CEP350: variants seen among roughly 807,000 people sequenced by gnomAD.
CEP350 encodes the protein centrosomal protein 350.
A neutral mutation model predicts 331.8 loss-of-function variants in CEP350; 126 were observed. The observed-to-expected ratio is 0.38, with a 90% confidence interval of 0.33 to 0.44. The LOEUF (loss-of-function observed/expected upper bound fraction) is 0.44, where lower values mean the gene tolerates loss of function less well. Ranked by LOEUF, CEP350 falls within the 20% of genes least tolerant of loss-of-function variation. The pLI is 1.00. For synonymous variants in CEP350, 1,200 were observed against 1,259.5 expected (o/e 0.95, Z 1.00); for missense variants, 3,406 against 3,634.6 (o/e 0.94, Z 1.62).
At chr1:179,970,707 CTA>C (rs1428685936) in intron 1 of CEP350, among the ~76,000 whole-genome samples, 5 of 152,162 alleles carry the variant, frequency 3.3e-5, no homozygotes, top group East Asian at 1.9e-4. Context: ...CAAAATGAAA[CTA>C]TGTGATTGGA....
At chr1:180,092,046 C>A (rs369152793) in intron 33 of CEP350, among the ~76,000 whole-genome samples, 41 of 148,648 alleles carry the variant, frequency 2.8e-4, no homozygotes, top group Non-Finnish European at 2.8e-4. Flanking sequence ...CTTGCTCTTA[C>A]AAAAAAAAAA....
In CEP350 at chr1:180,037,095, T is replaced by G. The variant is rs1428977817; in HGVS notation, c.4110+6T>G. 6.4e-7 allele frequency: 1 copy of G among 1,553,764 alleles called. No homozygotes were observed. Among genetic ancestry groups the G allele is most frequent in the Non-Finnish European group, 8.7e-7 (1 of 1,155,970 alleles). ...CTCTAGCTCAGATAATAAAGGTATTTTTGGAGTTTTTTAGCTTTCTGTGGT... is the reference window on the plus strand; with the variant it reads ...CTCTAGCTCAGATAATAAAGGTATTGTTGGAGTTTTTTAGCTTTCTGTGGT... On this transcript the variant is annotated splice_donor_region_variant and intron_variant, in intron 17 of 37. Coordinates refer to ENST00000367607, the MANE Select transcript of CEP350 (RefSeq NM_014810.5).
rs146543478 is a variant in CEP350 at position 180,053,059 on chromosome 1, C to T, written c.4882C>T (p.Leu1628=). 53 of 1,563,742 alleles carry T rather than the reference C, an allele frequency of 3.4e-5. No homozygotes were observed. The African/African-American group carries it at 5.8e-4, about 17-fold the overall frequency. ...AGAAGAACAATCATTTCGATCATTA[C>T]TACCTTCAGAGAGTCACCGCAGATT... ...EIEEQSFRSL[L]PSESHRRFNM... is the part of the protein sequence containing the mutation. Residue 1628 remains leucine (L), a synonymous_variant, in exon 23 of 38, where the codon CTA becomes TTA. Coordinates refer to ENST00000367607, the MANE Select transcript of CEP350 (RefSeq NM_014810.5).
At chr1:179,994,399 A>G (rs868267579) in intron 5 of CEP350, among the ~76,000 whole-genome samples, 1 of 151,880 alleles carries the variant, frequency 6.6e-6, no homozygotes, top group South Asian at 2.1e-4. Context: ...GATGGTAGCT[A>G]CAGGACTCAT....
intron 7 of CEP350, among the ~76,000 whole-genome samples, chr1:180,004,864 A>T (rs970336255): frequency 5.6e-5 from 8 of 143,616 alleles, no homozygotes; most frequent in African/African-American, 8.1e-5. Flanking sequence ...TTGGGCAGGC[A>T]GGCTGGCTGG....
In CEP350 at chr1:180,093,898, C is replaced by A. The variant is rs771609201; in HGVS notation, c.7793C>A (p.Thr2598Lys). The A allele has an allele frequency of 1.5e-5, 24 of 1,613,664 alleles. No homozygotes were observed. The highest frequency in any genetic ancestry group is 1.9e-5 in the Non-Finnish European group (22 of 1,179,846). ...YQCYNQEQND[T>K]EGPKDREKDV... Reference sequence around the variant, plus strand: ...TGCTATAATCAAGAGCAAAATGATACAGAGGGTCCAAAAGACAGAGAAAAG... The same window carrying A: ...TGCTATAATCAAGAGCAAAATGATAAAGAGGGTCCAAAAGACAGAGAAAAG... The change falls in exon 34 of 38, where the codon ACA becomes AAA. Residue 2598 changes from threonine (T) to lysine (K), a missense_variant. By Grantham distance (78) the Thr-to-Lys change is moderately conservative (BLOSUM62 -1). This residue lies in a region of CEP350 where 1,415 missense variants were observed against 1,512.3 expected (regional missense o/e 0.94). Coordinates refer to ENST00000367607, the MANE Select transcript of CEP350 (RefSeq NM_014810.5).
intron 9 of CEP350, among the ~76,000 whole-genome samples, chr1:180,012,758 G>C (rs1311779292): frequency 6.6e-6 from 1 of 152,170 alleles, no homozygotes; most frequent in Admixed American, 6.5e-5. Context: ...TTGGCATATA[G>C]AAGTCAATGT....
Position 180,006,456 on chromosome 1 carries a change from G to A in CEP350, c.1135G>A (p.Asp379Asn), listed in dbSNP as rs371197182. 4.1e-5 allele frequency: 58 copies of A among 1,400,814 alleles called. No individual in the cohort carries two copies. Among genetic ancestry groups the A allele is most frequent in the Middle Eastern group, 1.8e-4 (1 of 5,710 alleles). The allele number at this position is 1,400,814 out of a possible 1,614,324, so 86.8% of individuals were successfully genotyped here. Residue 379 changes from aspartate to asparagine, a missense_variant and splice_region_variant, in exon 8 of 38, where the codon GAT becomes AAT. Transcript: ENST00000367607. ...CTGTAAATATTTCTGCTTTTCAGAT[G>A]ATATTTCTATAAAGGAGAAACCTGC... is the stretch of plus-strand genomic sequence containing the variant. Reference protein sequence around the residue: ...YRDLALHFADDISIKEKPAEK... With the variant: ...YRDLALHFADNISIKEKPAEK...
At position 180,019,981 on chromosome 1, in the gene CEP350, C is replaced by T. The variant is rs1655216928; in HGVS notation, c.2207C>T (p.Pro736Leu). The part of the protein sequence containing the change: ...KDLMESTWMQ[P>L]ERLSPQVHHS... ...TTGATGGAATCTACATGGATGCAGC[C>T]TGAAAGATTGAGCCCACAAGTTCAC... Residue 736 changes from proline (P) to leucine (L), a missense_variant, in exon 12 of 38, where the codon CCT (proline) becomes CTT (leucine). Physicochemically the swap from Pro to Leu is moderately conservative, Grantham distance 98. This residue lies in a region of CEP350 where 1,857 missense variants were observed against 1,909.2 expected (regional missense o/e 0.97). Transcript: ENST00000367607. The T allele has an allele frequency of 6.2e-7, 1 of 1,611,362 alleles. No homozygotes were observed. The highest frequency in any genetic ancestry group is 8.5e-7 in the Non-Finnish European group (1 of 1,178,746).
chr1:180,004,898 GCTTGCTTGCTTTCTTT>G (rs1274669440), intron 7 of CEP350, among the ~76,000 whole-genome samples: 6 of 121,474 alleles, frequency 4.9e-5, no homozygotes, highest in African/African-American at 1.8e-4. Flanking sequence ...TTGCTTGCTT[GCTTGCTTGCTTTCTTT>G]CTTTCTTTCT....
At position 180,093,469 on chromosome 1, in the gene CEP350, T is replaced by C. The variant is rs1315736848; in HGVS notation, c.7364T>C (p.Leu2455Pro). The change falls in exon 34 of 38, where the codon CTG (leucine) becomes CCG (proline). Residue 2455 changes from leucine to proline, a missense_variant. Leu to Pro is a moderately conservative substitution (Grantham distance 98). This residue lies in a region of CEP350 where 1,415 missense variants were observed against 1,512.3 expected (regional missense o/e 0.94). Transcript: ENST00000367607. ...CATAGCAATGTTCATTCTGACAGGC[T>C]GTTGGAACTCAAGTCCCCTACTGAG... ...SIHSNVHSDR[L>P]LELKSPTELM... The C allele has an allele frequency of 6.2e-7, 1 of 1,609,072 alleles. No homozygotes were observed. The highest frequency in any genetic ancestry group is 1.1e-5 in the South Asian group (1 of 90,296).
At chr1:179,955,862 C>T (rs1650135026) in intron 1 of CEP350, among the ~76,000 whole-genome samples, 1 of 152,182 alleles carries the variant, frequency 6.6e-6, no homozygotes, top group African/African-American at 2.4e-5. Context: ...AAATAGTGAT[C>T]AATATCCATG....
At position 180,087,724 on chromosome 1, in the gene CEP350, A is replaced by T. The variant is rs1240217175; in HGVS notation, c.6425+7A>T. ...CCCTCACACCACTACACAGGTAGAA[A>T]TTTTTGATAACTTGTCTGTATTCTG... On this transcript the variant is annotated splice_region_variant and intron_variant, in intron 32 of 37. Transcript: ENST00000367607. 3 of 1,497,004 alleles carry T rather than the reference A, an allele frequency of 2.0e-6. No individual in the cohort carries two copies. Among genetic ancestry groups the T allele is most frequent in the Non-Finnish European group, 2.7e-6 (3 of 1,122,878 alleles). 92.7% of individuals were successfully genotyped at this position (1,497,004 alleles called of 1,614,324 possible).
chr1:179,959,317 G>A (rs1650413992), intron 1 of CEP350, among the ~76,000 whole-genome samples: 1 of 152,070 alleles, frequency 6.6e-6, no homozygotes, highest in Non-Finnish European at 1.5e-5. Flanking sequence ...CTAGCAAGGC[G>A]TGGTGGCAGG....
chr1:180,078,598 G>C lies in CEP350; in HGVS notation c.5903G>C (p.Ser1968Thr), dbSNP rs775520216. The change falls in exon 29 of 38, where the codon AGT becomes ACT. Residue 1968 changes from serine (S) to threonine (T), a missense_variant. Ser to Thr is a moderately conservative substitution (Grantham distance 58). Transcript: ENST00000367607. ...TCTATAGGACAGGAGCAGCCAGGGAGTCCAGATCACAGTATACTTACTGAA... is the reference window on the plus strand; with the variant it reads ...TCTATAGGACAGGAGCAGCCAGGGACTCCAGATCACAGTATACTTACTGAA... Reference protein sequence around the residue: ...SESIGQEQPGSPDHSILTEEM... With the variant: ...SESIGQEQPGTPDHSILTEEM... The C allele has an allele frequency of 9.3e-6, 15 of 1,613,282 alleles. No individual in the cohort carries two copies. The highest frequency in any genetic ancestry group is 1.3e-5 in the Non-Finnish European group (15 of 1,179,564).
In CEP350 at chr1:180,113,436, C is replaced by G. The variant is rs1056912747; in HGVS notation, c.*2275C>G. ...TCAGCAATCTGGTAAGAAATGCTGC[C>G]AAGAATGTGGCAGTAGCTGTCCTGA... On this transcript the variant is annotated 3_prime_UTR_variant, in exon 38 of 38. Coordinates refer to ENST00000367607, the MANE Select transcript of CEP350 (RefSeq NM_014810.5). 2.0e-5 allele frequency: 3 copies of G among 151,830 alleles called. No individual in the cohort carries two copies. Among genetic ancestry groups the G allele is most frequent in the African/African-American group, 7.3e-5 (3 of 41,318 alleles). 9.4% of individuals were successfully genotyped at this position (151,830 alleles called of 1,614,324 possible). A position where few individuals can be genotyped will look rare whatever the true frequency, so the allele number is the denominator to read the frequency against.
At chr1:180,110,719 T>C (rs1424738760) in intron 37 of CEP350, among the ~76,000 whole-genome samples, 1 of 152,208 alleles carries the variant, frequency 6.6e-6, no homozygotes, top group Non-Finnish European at 1.5e-5. Context: ...CATATTCCCT[T>C]ACGTTGACAT....
At position 180,027,293 on chromosome 1, in the gene CEP350, A is replaced by G. The variant is rs539018018; in HGVS notation, c.3550+2711A>G. Among the ~76,000 whole-genome samples the G allele has an allele frequency of 2.1e-4, 32 of 152,304 alleles. No homozygotes were observed. The South Asian group carries it at 6.2e-3, about 30-fold the overall frequency. ...TAGGGTATGGGTATCTTTTTCTGTC[A>G]GTAAATATGGATTACCATTTGTAAG... On this transcript the variant is annotated intron_variant, in intron 14 of 37. Coordinates refer to ENST00000367607, the MANE Select transcript of CEP350 (RefSeq NM_014810.5).
At chr1:180,098,181 G>A (rs1320862675) in intron 36 of CEP350, among the ~76,000 whole-genome samples, 2 of 152,102 alleles carry the variant, frequency 1.3e-5, no homozygotes, top group Non-Finnish European at 2.9e-5. Context: ...TGTTGGTCAG[G>A]CTGGTCTCGA....
Sources: gnomAD v4.1 joint callset for allele counts (sites outside exome capture counted in the v4.1 genomes callset) on GRCh38, gnomAD v4.1.1 for gene constraint, gnomAD v4.1.1 regional missense constraint, MANE v1.5 for transcripts, NCBI Gene and HGNC (gene_info 2026-07-23, HGNC 2026-07-21) for gene names.